The following DHX35 variants were observed in gnomAD, a reference collection of about 807,000 sequenced individuals.
The protein encoded by DHX35 is probable ATP-dependent RNA helicase DHX35.
A neutral mutation model predicts 99.6 loss-of-function variants in DHX35; 84 were observed. The observed-to-expected ratio is 0.84, with a 90% CI of 0.71 to 1.01. The LOEUF (loss-of-function observed/expected upper bound fraction) is 1.01. Ranked by LOEUF, DHX35 falls within the 50% of genes least tolerant of loss-of-function variation. The probability of loss-of-function intolerance (pLI) is 0.00; values close to 1 mark genes in which losing one functional copy is unlikely to be tolerated. For missense variants in DHX35, 852 were observed against 888.5 expected, an observed-to-expected ratio of 0.96 and a Z score of 0.52; for synonymous variants, 331 against 316.2, an observed-to-expected ratio of 1.05 and a Z score of -0.50.
At chr20:38,974,549 T>A (rs2145842011) in intron 3 of DHX35, among the ~76,000 whole-genome samples, 1 of 152,354 alleles carries the variant, frequency 6.6e-6, no homozygotes, top group South Asian at 2.1e-4. Flanking sequence ...TGTGTGTTTT[T>A]AAACATATTT....
chr20:39,034,133 AGC>A, intron 20 of DHX35, 71 bp from the exon 21 acceptor site: 1 of 1,097,996 alleles, frequency 9.1e-7, no homozygotes, highest in Admixed American at 1.7e-5. Flanking sequence ...TAAAGGAAAC[AGC>A]ATGTCTACCT....
intron 12 of DHX35, 74 bp from the exon 13 acceptor site, chr20:39,010,206 A>G: frequency 6.2e-7 from 1 of 1,608,894 alleles, no homozygotes; most frequent in African/African-American, 1.3e-5. Context: ...AGAGAAGAAA[A>G]TTTGTCCCTT....
intron 11 of DHX35, 112 bp from the exon 12 acceptor site, chr20:39,006,034 C>T (rs2086610126): frequency 8.0e-7 from 1 of 1,246,080 alleles, no homozygotes; most frequent in Non-Finnish European, 1.1e-6. Flanking sequence ...ATTAAACTGC[C>T]TCTCACAGAT....
At chr20:39,033,351 T>C (rs998118375) in intron 20 of DHX35, among the ~76,000 whole-genome samples, 3 of 152,186 alleles carry the variant, frequency 2.0e-5, no homozygotes, top group African/African-American at 7.2e-5. Flanking sequence ...AGGCTTTTCT[T>C]TTTCTTGCTT....
At chr20:38,985,395 A>G (rs981139058) in intron 4 of DHX35, among the ~76,000 whole-genome samples, 2 of 146,424 alleles carry the variant, frequency 1.4e-5, no homozygotes, top group Non-Finnish European at 3.0e-5. Flanking sequence ...AAAAAAAAAA[A>G]GGCTTAAAGA....
At position 38,990,768 on chromosome 20, in the gene DHX35, TG is replaced by T. The variant is rs567241649; in HGVS notation, c.451-679del. On this transcript the variant is annotated intron_variant, in intron 5 of 21. Transcript: ENST00000252011. ...AGCATCTGCAGATTTTGGTGTGGGT[TG>T]GGGGGGTTTCTAGAACCAACCCCAC... 8.5e-5 allele frequency among the ~76,000 whole-genome samples: 13 copies of T among 152,230 alleles called. No homozygotes were observed. The East Asian group carries it at 1.5e-3, about 18-fold the overall frequency.
At chr20:38,965,392 A>C (rs1415485958) in intron 1 of DHX35, among the ~76,000 whole-genome samples, 1 of 152,254 alleles carries the variant, frequency 6.6e-6, no homozygotes, top group African/African-American at 2.4e-5. Flanking sequence ...CAAATCATGA[A>C]CATATCCTGT....
chr20:38,966,600 C>T (rs1438287616), intron 1 of DHX35, among the ~76,000 whole-genome samples: 4 of 152,138 alleles, frequency 2.6e-5, no homozygotes, highest in Admixed American at 2.0e-4. Flanking sequence ...ACCTGGAAGG[C>T]GGAGGTTGCA....
Position 39,001,756 on chromosome 20 carries a change from T to C in DHX35, c.669T>C (p.Asn223=), listed in dbSNP as rs2086523572. 2 of 1,610,680 alleles carry C rather than the reference T, an allele frequency of 1.2e-6. No homozygotes were observed. The highest frequency in any genetic ancestry group is 2.7e-5 in the African/African-American group (2 of 74,838). ...AATTCCGGGATTTCTTTAATCAAAATGAAACCAGTGATCCAGCAAGGGATA... is the reference window on the plus strand; with the variant it reads ...AATTCCGGGATTTCTTTAATCAAAACGAAACCAGTGATCCAGCAAGGGATA... The part of the protein sequence containing the change: ...ADKFRDFFNQ[N]ETSDPARDTC... The change falls in exon 9 of 22, where the codon AAT becomes AAC. Residue 223 remains asparagine (N), a synonymous_variant. Transcript: ENST00000252011.
chr20:38,984,014 A>G lies in DHX35; in HGVS notation c.345+238A>G, dbSNP rs369226883. 1.7e-4 allele frequency among the ~76,000 whole-genome samples: 26 copies of G among 152,194 alleles called. 1 individual carries two copies. Among genetic ancestry groups the G allele is most frequent in the African/African-American group, 6.3e-4 (26 of 41,524 alleles). On this transcript the variant is annotated intron_variant, in intron 4 of 21. Transcript: ENST00000252011. ...AACCTCCGCCTCCTGGGTTCAAGCAATTCTCCTGCCTCAGCCTCCCGAGTA... is the reference window on the plus strand; with the variant it reads ...AACCTCCGCCTCCTGGGTTCAAGCAGTTCTCCTGCCTCAGCCTCCCGAGTA...
intron 18 of DHX35, among the ~76,000 whole-genome samples, chr20:39,027,805 T>C (rs1321417333): frequency 6.6e-6 from 1 of 152,258 alleles, no homozygotes; most frequent in Non-Finnish European, 1.5e-5. Context: ...AGATGTGATA[T>C]GTCATTAACC....
At chr20:38,994,024 A>T (rs1301395402) in intron 7 of DHX35, among the ~76,000 whole-genome samples, 2 of 152,192 alleles carry the variant, frequency 1.3e-5, no homozygotes, top group African/African-American at 4.8e-5. Flanking sequence ...ATCTTTGCAC[A>T]GTGGGTACAC....
Position 39,025,346 on chromosome 20 carries a change from G to C in DHX35, c.1788G>C (p.Arg596Ser). 1 of 1,613,590 alleles carries C rather than the reference G, an allele frequency of 6.2e-7. No individual in the cohort carries two copies. The highest frequency in any genetic ancestry group is 8.5e-7 in the Non-Finnish European group (1 of 1,179,708). Residue 596 changes from arginine to serine, a missense_variant, in exon 18 of 22, where the codon AGG (arginine) becomes AGC (serine). By Grantham distance (110) the Arg-to-Ser change is moderately radical. Transcript: ENST00000252011. ...TTCTTGTCAAGTTTCAAGTGCCCAG[G>C]AAGTCTAGTGAAGGTGAGAAGAAAC... is the stretch of plus-strand genomic sequence containing the variant. ...KKLLVKFQVPRKSSEGDPDLV... is the reference protein window; with the variant it reads ...KKLLVKFQVPSKSSEGDPDLV...
rs915392782 is a variant in DHX35 at position 39,005,779 on chromosome 20, C to T, written c.1012-367C>T. ...ATGAATGAATAAATGACTATACCTG[C>T]GCAAGATGGAGGGTGATTTACTTTG... On this transcript the variant is annotated intron_variant, in intron 11 of 21. Transcript: ENST00000252011. Among the ~76,000 whole-genome samples, 10 of 152,236 alleles carry T rather than the reference C, an allele frequency of 6.6e-5. 1 individual carries two copies. Among genetic ancestry groups the T allele is most frequent in the Non-Finnish European group, 1.5e-4 (10 of 68,030 alleles).
intron 4 of DHX35, among the ~76,000 whole-genome samples, chr20:38,988,343 TA>T (rs2145868408): frequency 6.6e-6 from 1 of 152,276 alleles, no homozygotes; most frequent in Non-Finnish European, 1.5e-5. Context: ...CATAAGTTAA[TA>T]ATTGGCTGGG....
Position 39,001,850 on chromosome 20 carries a change from G to T in DHX35, c.755+8G>T, listed in dbSNP as rs745525338. The T allele has an allele frequency of 1.9e-6, 3 of 1,591,634 alleles. No individual in the cohort carries two copies. The Admixed American group carries it at 5.1e-5, about 27-fold the overall frequency. ...TATCTTTTATCTACAAAGGTTTGATGATGCTTGAATTCTGGATGATGGTGT... is the reference window on the plus strand; with the variant it reads ...TATCTTTTATCTACAAAGGTTTGATTATGCTTGAATTCTGGATGATGGTGT... On this transcript the variant is annotated splice_region_variant and intron_variant, in intron 9 of 21. Coordinates refer to ENST00000252011, the MANE Select transcript of DHX35 (RefSeq NM_021931.4).
At position 39,039,519 on chromosome 20, in the gene DHX35, T is replaced by C. The variant is rs1215592411; in HGVS notation, c.*976T>C. The C allele has an allele frequency of 1.3e-5, 2 of 152,420 alleles. No homozygotes were observed. The highest frequency in any genetic ancestry group is 1.9e-4 in the East Asian group (1 of 5,196). The allele number at this position is 152,420 out of a possible 1,614,324, so 9.4% of individuals were successfully genotyped here. On this transcript the variant is annotated 3_prime_UTR_variant, in exon 22 of 22. Transcript: ENST00000252011. ...CAACACATGCCAGATGCAGATTTTTTCCCCCTTACTGTTTCAATGACCTTT... is the reference window on the plus strand; with the variant it reads ...CAACACATGCCAGATGCAGATTTTTCCCCCCTTACTGTTTCAATGACCTTT...
At chr20:39,025,077 T>C (rs2086932467) in intron 17 of DHX35, among the ~76,000 whole-genome samples, 153 bp from the exon 18 acceptor site, 1 of 152,178 alleles carries the variant, frequency 6.6e-6, no homozygotes, top group South Asian at 2.1e-4. Context: ...AACATCTGTT[T>C]TGAGAGATGG....
At chr20:39,024,415 G>A (rs2086919866) in intron 17 of DHX35, among the ~76,000 whole-genome samples, 1 of 152,316 alleles carries the variant, frequency 6.6e-6, no homozygotes, top group South Asian at 2.1e-4. Flanking sequence ...TACTCTTTTA[G>A]AAGTGAAGAA....
Sources: gnomAD v4.1 joint callset for allele counts (sites outside exome capture counted in the v4.1 genomes callset) on GRCh38, gnomAD v4.1.1 for gene constraint, MANE v1.5 for transcripts, NCBI Gene and HGNC (gene_info 2026-07-23, HGNC 2026-07-21) for gene names.